Variants in KCNIP4 observed in about 807,000 individuals in gnomAD.
The protein encoded by KCNIP4 is potassium voltage-gated channel interacting protein 4, also known as Kv channel-interacting protein 4.
A neutral mutation model predicts 34.0 loss-of-function variants in KCNIP4; 12 were observed. The observed-to-expected ratio is 0.35, with a 90% CI of 0.23 to 0.57. The LOEUF (loss-of-function observed/expected upper bound fraction) is 0.57, where lower values mean the gene tolerates loss of function less well. Among genes scored for constraint, KCNIP4 ranks in the 20% least tolerant of loss-of-function variants. The pLI is 0.83. For synonymous variants in KCNIP4, 124 were observed against 102.2 expected (o/e 1.21, Z -1.29); for missense variants, 238 against 311.7 (o/e 0.76, Z 1.78).
intron 5 of KCNIP4, among the ~76,000 whole-genome samples, chr4:20,735,117 ACC>A (rs1347137858): frequency 1.4e-4 from 21 of 152,194 alleles, no homozygotes; most frequent in African/African-American, 5.1e-4. Flanking sequence ...TCAATGAAAA[ACC>A]GTTTGCTAAT....
chr4:21,295,486 C>T (rs544749819), intron 1 of KCNIP4, among the ~76,000 whole-genome samples: 1 of 152,222 alleles, frequency 6.6e-6, no homozygotes, highest in South Asian at 2.1e-4. Context: ...GACCTTGGCT[C>T]TCCCTCCATT....
intron 1 of KCNIP4, among the ~76,000 whole-genome samples, chr4:21,910,853 T>C (rs1241825008): frequency 6.6e-6 from 1 of 152,194 alleles, no homozygotes; most frequent in African/African-American, 2.4e-5. Flanking sequence ...TAAGATCATT[T>C]GTTAAGTGAT....
At chr4:21,937,169 C>A (rs1025352934) in intron 1 of KCNIP4, among the ~76,000 whole-genome samples, 1 of 152,116 alleles carries the variant, frequency 6.6e-6, no homozygotes, top group Non-Finnish European at 1.5e-5. Flanking sequence ...TTGGACTCTG[C>A]ATTTCCATCT....
intron 1 of KCNIP4, among the ~76,000 whole-genome samples, chr4:21,242,243 G>A (rs1000215716): frequency 6.7e-6 from 1 of 149,506 alleles, no homozygotes; most frequent in South Asian, 2.1e-4. Flanking sequence ...AAAGAAATGT[G>A]AAGCATTTCT....
intron 1 of KCNIP4, among the ~76,000 whole-genome samples, chr4:21,632,445 G>A (rs534545605): frequency 1.4e-4 from 21 of 152,108 alleles, no homozygotes; most frequent in African/African-American, 4.3e-4. Flanking sequence ...GGCTGTTCTC[G>A]AACTCCTGAC....
chr4:21,096,775 T>C (rs138645629), intron 1 of KCNIP4, among the ~76,000 whole-genome samples: 1,597 of 152,246 alleles, frequency 0.01, 19 homozygotes, highest in Middle Eastern at 0.061. Flanking sequence ...AAGACACAAT[T>C]TCCAAATGTT....
chr4:21,586,493 G>A (rs1402822963), intron 1 of KCNIP4, among the ~76,000 whole-genome samples: 1 of 152,016 alleles, frequency 6.6e-6, no homozygotes, highest in Non-Finnish European at 1.5e-5. Flanking sequence ...GGGAGCAGCA[G>A]TGAGATCCCA....
At chr4:20,845,202 A>G (rs556088991) in intron 3 of KCNIP4, among the ~76,000 whole-genome samples, 3 of 152,292 alleles carry the variant, frequency 2.0e-5, no homozygotes, top group Non-Finnish European at 4.4e-5. Context: ...ACCCACATGT[A>G]CACATCCAGA....
chr4:21,332,311 G>A (rs1473743154), intron 1 of KCNIP4, among the ~76,000 whole-genome samples: 1 of 129,402 alleles, frequency 7.7e-6, no homozygotes, highest in Non-Finnish European at 1.6e-5. Context: ...TTTATTGTTA[G>A]AAGAATGAAA....
chr4:21,945,586 C>T (rs772147274), intron 1 of KCNIP4, among the ~76,000 whole-genome samples: 4 of 152,108 alleles, frequency 2.6e-5, no homozygotes, highest in Non-Finnish European at 4.4e-5. Context: ...ACTATTGAAA[C>T]ATACATTTTC....
In KCNIP4 at chr4:20,849,566, G is replaced by A. The variant is rs544762859; in HGVS notation, c.288+977C>T. ...TGTGGTGGTCAGATGTGAAGAGGAT[G>A]GCATTAGAAGAAATCCTTGGACATC... On this transcript the variant is annotated intron_variant, in intron 3 of 8. Coordinates refer to ENST00000382152, the MANE Select transcript of KCNIP4 (RefSeq NM_025221.6). Among the ~76,000 whole-genome samples, 208 of 152,252 alleles carry A rather than the reference G, an allele frequency of 1.4e-3. 1 individual carries two copies. Among genetic ancestry groups the A allele is most frequent in the African/African-American group, 4.7e-3 (197 of 41,548 alleles).
Position 21,046,726 on chromosome 4 carries a change from G to T in KCNIP4, c.62-164017C>A, listed in dbSNP as rs1183807568. Among the ~76,000 whole-genome samples, 3 of 152,154 alleles carry T rather than the reference G, an allele frequency of 2.0e-5. No individual in the cohort carries two copies. The South Asian group carries it at 6.2e-4, about 32-fold the overall frequency. On this transcript the variant is annotated intron_variant, in intron 1 of 8. Coordinates refer to ENST00000382152, the MANE Select transcript of KCNIP4 (RefSeq NM_025221.6). Reference sequence around the variant, plus strand: ...CCTGCCTTGGCCCTGCAAGTAGCTGGGATTACAGGCACGCGCAACCACGCC... The same window carrying T: ...CCTGCCTTGGCCCTGCAAGTAGCTGTGATTACAGGCACGCGCAACCACGCC...
intron 1 of KCNIP4, among the ~76,000 whole-genome samples, chr4:21,175,247 A>G (rs1754320333): frequency 6.6e-6 from 1 of 152,170 alleles, no homozygotes; most frequent in African/African-American, 2.4e-5. Flanking sequence ...TAAGATGCCT[A>G]TCTTCCTATC....
intron 1 of KCNIP4, among the ~76,000 whole-genome samples, chr4:21,462,618 C>T (rs956393627): frequency 1.5e-4 from 23 of 152,014 alleles, no homozygotes; most frequent in African/African-American, 5.6e-4. Context: ...GTGAGATCAA[C>T]GACTTTAGAT....
At chr4:21,182,792 A>G (rs1754938016) in intron 1 of KCNIP4, among the ~76,000 whole-genome samples, 1 of 152,096 alleles carries the variant, frequency 6.6e-6, no homozygotes, top group Non-Finnish European at 1.5e-5. Flanking sequence ...ATCATATGTA[A>G]CATGATGTTT....
intron 1 of KCNIP4, among the ~76,000 whole-genome samples, chr4:21,604,248 G>A (rs1743454663): frequency 6.6e-6 from 1 of 152,080 alleles, no homozygotes; most frequent in African/African-American, 2.4e-5. Context: ...CCATTAAATT[G>A]TTTAGAAACC....
chr4:21,852,495 G>A (rs1724474099), intron 1 of KCNIP4: 1 of 152,188 alleles, frequency 6.6e-6, no homozygotes, highest in African/African-American at 2.4e-5. Flanking sequence ...CTTCGGCAGA[G>A]CAAAGCAACA....
chr4:21,470,696 G>T (rs996026426), intron 1 of KCNIP4, among the ~76,000 whole-genome samples: 3 of 152,006 alleles, frequency 2.0e-5, no homozygotes, highest in Admixed American at 6.6e-5. Flanking sequence ...CAAGAAGGAG[G>T]ATTAAGGGTA....
intron 1 of KCNIP4, among the ~76,000 whole-genome samples, chr4:21,896,947 AT>A (rs1419323345): frequency 1.4e-5 from 1 of 70,408 alleles, no homozygotes; most frequent in African/African-American, 7.4e-5. Flanking sequence ...AAATAAATAA[AT>A]AAATAAATAA....
Sources: gnomAD v4.1 joint callset for allele counts (sites outside exome capture counted in the v4.1 genomes callset) on GRCh38, gnomAD v4.1.1 for gene constraint, MANE v1.5 for transcripts, NCBI Gene and HGNC (gene_info 2026-07-23, HGNC 2026-07-21) for gene names.